The following PRKN variants were observed in gnomAD, a reference collection of about 807,000 sequenced individuals.
PRKN encodes parkin RBR E3 ubiquitin protein ligase.
In PRKN, 56 loss-of-function variants were observed where a neutral mutation model predicts 59.5. The observed-to-expected ratio is 0.94, with a 90% confidence interval of 0.76 to 1.18. The LOEUF (loss-of-function observed/expected upper bound fraction) is 1.18, where lower values mean the gene tolerates loss of function less well. Among genes scored for constraint, PRKN ranks in the 50% most tolerant of loss-of-function variants. The pLI, the probability that PRKN is intolerant of heterozygous loss-of-function variation, is 0.00. For missense variants in PRKN, 657 were observed against 596.4 expected, an observed-to-expected ratio of 1.10 and a Z score of -1.06; for synonymous variants, 250 against 222.1, an observed-to-expected ratio of 1.13 and a Z score of -1.12.
At chr6:161,711,788 C>T (rs892162036) in intron 7 of PRKN, among the ~76,000 whole-genome samples, 1 of 152,170 alleles carries the variant, frequency 6.6e-6, no homozygotes, top group Non-Finnish European at 1.5e-5. Context: ...TTCCAGCCTT[C>T]ATCTTTCTCC....
At chr6:162,210,232 C>T (rs1785149181) in intron 3 of PRKN, among the ~76,000 whole-genome samples, 1 of 152,098 alleles carries the variant, frequency 6.6e-6, no homozygotes, top group African/African-American at 2.4e-5. Context: ...CCTGTTCTCT[C>T]ATCTGCAATT....
intron 2 of PRKN, among the ~76,000 whole-genome samples, chr6:162,357,393 T>C (rs2128132818): frequency 6.6e-6 from 1 of 152,242 alleles, no homozygotes; most frequent in African/African-American, 2.4e-5. Flanking sequence ...TAAAAGATGC[T>C]CACCATCATA....
In PRKN at chr6:162,165,350, AT is replaced by A. The variant is rs757584158; in HGVS notation, c.534+35780del. ...AAATTAAAACATCTGTTCATAAAAA[AT>A]ATGAAGAAAATGAATTACCAAACTC... On this transcript the variant is annotated intron_variant, in intron 4 of 11. Transcript: ENST00000366898. Among the ~76,000 whole-genome samples the A allele has an allele frequency of 5.8e-4, 87 of 149,508 alleles. 7 individuals are homozygous for A. The highest frequency in any genetic ancestry group is 9.2e-4 in the Non-Finnish European group (62 of 67,462).
chr6:161,958,477 C>T (rs921070003), intron 6 of PRKN, among the ~76,000 whole-genome samples: 2 of 152,080 alleles, frequency 1.3e-5, no homozygotes, highest in African/African-American at 2.4e-5. Flanking sequence ...GTAATTTCTA[C>T]ATCAAATCAA....
chr6:161,850,194 T>C (rs1326527043), intron 6 of PRKN, among the ~76,000 whole-genome samples: 1 of 152,110 alleles, frequency 6.6e-6, no homozygotes. Flanking sequence ...ATTTTAATAA[T>C]ATCTGCTAAG....
rs770185240 is a variant in PRKN at position 162,412,033 on chromosome 6, TC to T, written c.171+31276del. On this transcript the variant is annotated intron_variant, in intron 2 of 11. Coordinates refer to ENST00000366898, the MANE Select transcript of PRKN (RefSeq NM_004562.3). ...CACAGCTGAGAGGCATTTTTTTTTT[TC>T]TGATCTGGAAAACAACAATCACAGA... Among the ~76,000 whole-genome samples, 159 of 150,468 alleles carry T rather than the reference TC, an allele frequency of 1.1e-3. 1 individual carries two copies. Among genetic ancestry groups the T allele is most frequent in the Admixed American group, 2.5e-3 (38 of 15,082 alleles).
rs576295929 is a variant in PRKN at position 161,858,680 on chromosome 6, G to A, written c.735-72772C>T. On this transcript the variant is annotated intron_variant, in intron 6 of 11. Transcript: ENST00000366898. Reference sequence around the variant, plus strand: ...TTCTCTTGGGTGAAATGCTCTTCCCGTTGGCGGTGAGAATCCTTCCTCCTT... The same window carrying A: ...TTCTCTTGGGTGAAATGCTCTTCCCATTGGCGGTGAGAATCCTTCCTCCTT... Among the ~76,000 whole-genome samples the A allele has an allele frequency of 6.6e-5, 10 of 151,448 alleles. No individual in the cohort carries two copies. The East Asian group carries it at 1.2e-3, about 18-fold the overall frequency.
In PRKN at chr6:161,447,577, T is replaced by C. The variant is rs1789551877; in HGVS notation, c.1084-60700A>G. Among the ~76,000 whole-genome samples the C allele has an allele frequency of 6.6e-6, 1 of 152,058 alleles. No individual in the cohort carries two copies. The highest frequency in any genetic ancestry group is 1.5e-5 in the Non-Finnish European group (1 of 68,002). ...GGAGTGATCTCAGCTCACTGCAACC[T>C]CCGCCTCCCGGGTTCAAGCGATGCT... On this transcript the variant is annotated intron_variant, in intron 9 of 11. Transcript: ENST00000366898. This position sits in a 1 kb window ranked among gnomAD's most constrained non-coding sequence, Gnocchi z 4.1.
intron 1 of PRKN, among the ~76,000 whole-genome samples, chr6:162,452,625 G>A (rs184721394): frequency 6.6e-6 from 1 of 152,056 alleles, no homozygotes; most frequent in East Asian, 1.9e-4. Context: ...AAATCATAAT[G>A]GAATTCCAAA....
Position 162,167,028 on chromosome 6 carries a change from C to A in PRKN, c.534+34103G>T, listed in dbSNP as rs144317031. On this transcript the variant is annotated intron_variant, in intron 4 of 11. Transcript: ENST00000366898. ...TGGTTCTGCTTTTACAGGAACCCAA[C>A]AAAGATGATAATATAGGGAATAGCA... Among the ~76,000 whole-genome samples the A allele has an allele frequency of 3.9e-3, 589 of 152,234 alleles. 6 individuals are homozygous for A. Among genetic ancestry groups the A allele is most frequent in the African/African-American group, 0.013 (558 of 41,534 alleles).
At position 161,581,712 on chromosome 6, in the gene PRKN, T is replaced by A. The variant is rs572238943; in HGVS notation, c.872-12296A>T. Among the ~76,000 whole-genome samples the A allele has an allele frequency of 3.3e-5, 5 of 152,006 alleles. No homozygotes were observed. The highest frequency in any genetic ancestry group is 5.9e-5 in the Non-Finnish European group (4 of 67,988). ...CCTGAGAATGAACATCAGCAATTGG[T>A]GTTGACTCAGAAGGCTGAGATTCTG... On this transcript the variant is annotated intron_variant, in intron 7 of 11. Coordinates refer to ENST00000366898, the MANE Select transcript of PRKN (RefSeq NM_004562.3). This position sits in a 1 kb window ranked among gnomAD's most constrained non-coding sequence, Gnocchi z 4.5.
chr6:161,453,206 G>A (rs1292085144), intron 9 of PRKN, among the ~76,000 whole-genome samples: 1 of 152,194 alleles, frequency 6.6e-6, no homozygotes, highest in Admixed American at 6.5e-5. Flanking sequence ...GAACAGTACT[G>A]AGTAGCAGTT....
At chr6:162,209,004 A>G (rs1785077888) in intron 3 of PRKN, among the ~76,000 whole-genome samples, 1 of 152,140 alleles carries the variant, frequency 6.6e-6, no homozygotes, top group African/African-American at 2.4e-5. Context: ...CCTAGAAGAA[A>G]ACCTAGGCAA....
intron 7 of PRKN, among the ~76,000 whole-genome samples, chr6:161,689,869 C>A (rs369907285): frequency 2.6e-5 from 4 of 152,018 alleles, no homozygotes; most frequent in African/African-American, 7.2e-5. Context: ...TGCCACCACA[C>A]CTGGCTAATT....
chr6:162,143,597 G>A (rs556595183), intron 4 of PRKN, among the ~76,000 whole-genome samples: 1 of 152,290 alleles, frequency 6.6e-6, no homozygotes, highest in Non-Finnish European at 1.5e-5. Flanking sequence ...GCTGATATGA[G>A]CAGCCATATG....
intron 1 of PRKN, among the ~76,000 whole-genome samples, chr6:162,653,725 T>C (rs534824669): frequency 6.6e-6 from 1 of 152,160 alleles, no homozygotes; most frequent in Non-Finnish European, 1.5e-5. Flanking sequence ...ACTGTGAGAA[T>C]AGCAGAGGAA....
At position 161,524,929 on chromosome 6, in the gene PRKN, G is replaced by A. The variant is rs145722635; in HGVS notation, c.1083+23925C>T. On this transcript the variant is annotated intron_variant, in intron 9 of 11. Transcript: ENST00000366898. ...AGGGCTGGCTGCTGTCCTTGCATCC[G>A]TTTGATGTAGGAGATCACAGGAAAC... Among the ~76,000 whole-genome samples the A allele has an allele frequency of 3.5e-3, 526 of 152,208 alleles. 3 individuals carry two copies. Among genetic ancestry groups the A allele is most frequent in the African/African-American group, 0.011 (475 of 41,538 alleles).
chr6:161,580,138 A>G lies in PRKN; in HGVS notation c.872-10722T>C, dbSNP rs188156913. Among the ~76,000 whole-genome samples, 512 of 152,342 alleles carry G rather than the reference A, an allele frequency of 3.4e-3. 4 individuals carry two copies. Among genetic ancestry groups the G allele is most frequent in the African/African-American group, 0.012 (481 of 41,578 alleles). On this transcript the variant is annotated intron_variant, in intron 7 of 11. Coordinates refer to ENST00000366898, the MANE Select transcript of PRKN (RefSeq NM_004562.3). ...ATGCGGGAAAACCCACACAGCTTTG[A>G]GTATATTGTTAATTACACTATGGTT...
Position 161,352,771 on chromosome 6 carries a change from A to ATATATATATTTT in PRKN, c.1286-2561_1286-2560insAAAATATATATA, listed in dbSNP as rs34279714. On this transcript the variant is annotated intron_variant, in intron 11 of 11. Coordinates refer to ENST00000366898, the MANE Select transcript of PRKN (RefSeq NM_004562.3). This position sits in a 1 kb window ranked among gnomAD's most constrained non-coding sequence, Gnocchi z 5.8. ...TGTGTGTGTGTATATATATATATAT[A>ATATATATATTTT]TTTTATTTTATTTTATTTTATTTTT... is the stretch of plus-strand genomic sequence containing the variant. Among the ~76,000 whole-genome samples, 990 of 116,886 alleles carry ATATATATATTTT rather than the reference A, an allele frequency of 8.5e-3. 22 individuals carry two copies. In the South Asian group the frequency reaches 0.085, roughly 10 times the overall value. The allele number at this position is 116,886 out of a possible 152,430, so 76.7% of individuals were successfully genotyped here. A position where few individuals can be genotyped will look rare whatever the true frequency, so the allele number is the denominator to read the frequency against.
Sources: allele counts gnomAD v4.1 joint callset (sites outside exome capture counted in the v4.1 genomes callset), GRCh38; gene constraint gnomAD v4.1.1; non-coding constraint Gnocchi (gnomAD v3.1); transcripts MANE v1.5; gene names NCBI Gene and HGNC (gene_info 2026-07-23, HGNC 2026-07-21).